HAUS8: variants seen among roughly 807,000 people sequenced by gnomAD.
The protein encoded by HAUS8 is HAUS augmin-like complex subunit 8.
HAUS8 carries 38 observed loss-of-function variants against 42.9 expected under a neutral mutation model. The observed-to-expected ratio is 0.89, with a 90% CI of 0.68 to 1.16. The LOEUF is 1.16. Among genes scored for constraint, HAUS8 ranks in the 50% most tolerant of loss-of-function variants. The pLI, the probability that HAUS8 is intolerant of heterozygous loss-of-function variation, is 0.00. For missense variants in HAUS8, 494 were observed against 511.6 expected (o/e 0.97, Z 0.33); for synonymous variants, 199 against 205.8 (o/e 0.97, Z 0.28).
intron 3 of HAUS8, among the ~76,000 whole-genome samples, chr19:17,066,698 G>A (rs2057388932): frequency 6.6e-6 from 1 of 152,152 alleles, no homozygotes. Flanking sequence ...GTTGTTGAGT[G>A]GGAGAATAGG....
chr19:17,069,158 C>A (rs1169577227), intron 2 of HAUS8, 72 bp from the exon 3 acceptor site: 2 of 1,365,654 alleles, frequency 1.5e-6, no homozygotes, highest in Non-Finnish European at 2.1e-6. Flanking sequence ...AGACCCCACG[C>A]CCCGGAGACC....
At chr19:17,050,212 C>T in intron 10 of HAUS8, 36 bp from the exon 11 acceptor site, 5 of 1,443,574 alleles carry the variant, frequency 3.5e-6, no homozygotes, top group Non-Finnish European at 3.7e-6. Flanking sequence ...CGGCTTTCAC[C>T]CTCTGAGGTG....
intron 1 of HAUS8, 115 bp from the exon 2 acceptor site, chr19:17,073,450 G>A: frequency 2.1e-6 from 2 of 964,266 alleles, no homozygotes; most frequent in South Asian, 1.3e-5. Context: ...GGCTGCCAGA[G>A]GACAATTTCA....
At chr19:17,068,214 A>G (rs2123379770) in intron 3 of HAUS8, among the ~76,000 whole-genome samples, 1 of 150,192 alleles carries the variant, frequency 6.7e-6, no homozygotes, top group East Asian at 2.0e-4. Context: ...CCCAGGTTCA[A>G]GCGATTCTCC....
intron 6 of HAUS8, 40 bp downstream of exon 6, chr19:17,059,517 G>T: frequency 7.2e-7 from 1 of 1,389,096 alleles, no homozygotes; most frequent in Non-Finnish European, 1.0e-6. Context: ...TCAGATCTAT[G>T]CAACCCATCT....
rs143452008 is a variant in HAUS8, at chr19:17,061,863, T to A, written c.229+835A>T. ...CCTGGCCACACCAGCATTCCCAGCTTCATGCATGGCCTTCAACCCAATTAG... is the reference window on the plus strand; with the variant it reads ...CCTGGCCACACCAGCATTCCCAGCTACATGCATGGCCTTCAACCCAATTAG... On this transcript the variant is annotated intron_variant, in intron 4 of 10. Transcript: ENST00000253669. Among the ~76,000 whole-genome samples, 316 of 152,350 alleles carry A rather than the reference T, an allele frequency of 2.1e-3. 1 individual carries two copies. The highest frequency in any genetic ancestry group is 4.6e-3 in the Admixed American group (71 of 15,304).
At chr19:17,050,348 C>T (rs928053734) in intron 10 of HAUS8, among the ~76,000 whole-genome samples, 172 bp from the exon 11 acceptor site, 5 of 152,126 alleles carry the variant, frequency 3.3e-5, no homozygotes, top group African/African-American at 1.2e-4. Context: ...AGGGAAACCC[C>T]CCAAGAACAG....
intron 3 of HAUS8, among the ~76,000 whole-genome samples, chr19:17,063,831 T>C (rs2057374085): frequency 6.6e-6 from 1 of 152,178 alleles, no homozygotes; most frequent in African/African-American, 2.4e-5. Flanking sequence ...ACTTACACCT[T>C]TGGCTCCCCT....
chr19:17,071,599 A>G (rs2057424446), intron 2 of HAUS8, among the ~76,000 whole-genome samples: 1 of 152,174 alleles, frequency 6.6e-6, no homozygotes. Flanking sequence ...AGCATCAGGA[A>G]ACAGTTTTGC....
At chr19:17,070,424 C>T (rs544669906) in intron 2 of HAUS8, among the ~76,000 whole-genome samples, 15 of 152,322 alleles carry the variant, frequency 9.8e-5, no homozygotes, top group South Asian at 2.1e-4. Context: ...TAAGTGCCTC[C>T]GGGAACCTTC....
At position 17,055,856 on chromosome 19, in the gene HAUS8, C is replaced by T; in HGVS notation, c.787+5G>A. On this transcript the variant is annotated splice_donor_5th_base_variant and intron_variant, in intron 9 of 10. Coordinates refer to ENST00000253669, the MANE Select transcript of HAUS8 (RefSeq NM_033417.2). ...GCACACGCACTGGGACGCCCCGTTT[C>T]CTACCTAAGAGCTGCTGCCCATCTC... The T allele has an allele frequency of 6.2e-7, 1 of 1,612,914 alleles. No homozygotes were observed. Among genetic ancestry groups the T allele is most frequent in the African/African-American group, 1.3e-5 (1 of 75,052 alleles).
At chr19:17,064,292 C>T (rs1396768708) in intron 3 of HAUS8, among the ~76,000 whole-genome samples, 8 of 152,188 alleles carry the variant, frequency 5.3e-5, no homozygotes, top group Non-Finnish European at 8.8e-5. Flanking sequence ...TTGAAAGACT[C>T]GCTTTTATTA....
intron 3 of HAUS8, among the ~76,000 whole-genome samples, chr19:17,064,980 A>C (rs2057379522): frequency 6.6e-6 from 1 of 152,232 alleles, no homozygotes; most frequent in South Asian, 2.1e-4. Flanking sequence ...AGAATATAGA[A>C]AGCACCCTCA....
intron 4 of HAUS8, among the ~76,000 whole-genome samples, chr19:17,060,509 A>G (rs1348466472): frequency 1.3e-5 from 2 of 152,180 alleles, no homozygotes; most frequent in Admixed American, 1.3e-4. Flanking sequence ...CCCGGGTTCA[A>G]GTGATTCTCC....
At chr19:17,071,749 C>G (rs762300573) in intron 2 of HAUS8, among the ~76,000 whole-genome samples, 15 of 152,108 alleles carry the variant, frequency 9.9e-5, no homozygotes, top group Non-Finnish European at 1.8e-4. Flanking sequence ...GTAATCCCAG[C>G]ACTTTGGGAG....
intron 4 of HAUS8, among the ~76,000 whole-genome samples, chr19:17,062,109 G>A (rs140675164): frequency 7.1e-4 from 108 of 152,294 alleles, no homozygotes; most frequent in African/African-American, 2.6e-3. Context: ...GTTACAAACA[G>A]CAGAGCTGAG....
intron 2 of HAUS8, among the ~76,000 whole-genome samples, chr19:17,072,338 C>CTTTTTTTT (rs71180355): frequency 3.4e-5 from 3 of 87,546 alleles, no homozygotes; most frequent in African/African-American, 5.0e-5. Flanking sequence ...CGAGCATTTC[C>CTTTTTTTT]TTTTTTTTTT....
rs114927405 is a variant in HAUS8, at chr19:17,054,356, T to C, written c.788-1390A>G. 3.7e-3 allele frequency among the ~76,000 whole-genome samples: 557 copies of C among 151,990 alleles called. 3 individuals carry two copies. Among genetic ancestry groups the C allele is most frequent in the African/African-American group, 0.013 (534 of 41,456 alleles). Reference sequence around the variant, plus strand: ...ACAGATGTGGAGGTGACCGCAGTCATAAAATCAGAAACCCGGCCGGGCAGG... The same window carrying C: ...ACAGATGTGGAGGTGACCGCAGTCACAAAATCAGAAACCCGGCCGGGCAGG... On this transcript the variant is annotated intron_variant, in intron 9 of 10. Transcript: ENST00000253669.
Position 17,067,385 on chromosome 19 carries a change from G to C in HAUS8, c.147+1646C>G, listed in dbSNP as rs533262897. ...CAGAAAGCCAATCTGTGGTTGCCTG[G>C]GGGTGGGAGAGGGGCTGGTCCTATC... is the stretch of plus-strand genomic sequence containing the variant. On this transcript the variant is annotated intron_variant, in intron 3 of 10. Coordinates refer to ENST00000253669, the MANE Select transcript of HAUS8 (RefSeq NM_033417.2). 9.2e-5 allele frequency among the ~76,000 whole-genome samples: 14 copies of C among 152,224 alleles called. No homozygotes were observed. In the South Asian group the frequency reaches 2.9e-3, roughly 32 times the overall value.
Sources: gnomAD v4.1 joint callset for allele counts (sites outside exome capture counted in the v4.1 genomes callset) on GRCh38, gnomAD v4.1.1 for gene constraint, MANE v1.5 for transcripts, NCBI Gene and HGNC (gene_info 2026-07-23, HGNC 2026-07-21) for gene names.